Variants in ADCY3 observed in about 807,000 individuals in gnomAD.
ADCY3 encodes the protein adenylate cyclase 3, also known as adenylate cyclase type 3.
ADCY3 carries 70 observed loss-of-function variants against 119.4 expected under a neutral mutation model. The observed-to-expected ratio is 0.59, with a 90% CI of 0.48 to 0.72. The LOEUF (loss-of-function observed/expected upper bound fraction) is 0.72. Ranked by LOEUF, ADCY3 falls within the 30% of genes least tolerant of loss-of-function variation. ADCY3 has a pLI of 0.00. For synonymous variants in ADCY3, 672 were observed against 621.4 expected (o/e 1.08, Z -1.21); for missense variants, 1,238 against 1,541.6 (o/e 0.80, Z 3.30).
chr2:24,898,316 G>A lies in ADCY3; in HGVS notation c.675+19997C>T, dbSNP rs1040465215. On this transcript the variant is annotated intron_variant, in intron 2 of 21. Coordinates refer to ENST00000679454, the MANE Select transcript of ADCY3 (RefSeq NM_004036.5). The surrounding 1 kb of genome is among the most constrained non-coding windows in gnomAD (Gnocchi z 4.3). ...CGAGGACCGCCTTTCCATCACCGTG[G>A]GGTGAGCCCCACCCTCGCACCGAGA... Among the ~76,000 whole-genome samples the A allele has an allele frequency of 1.3e-5, 2 of 152,044 alleles. No individual in the cohort carries two copies. Among genetic ancestry groups the A allele is most frequent in the Admixed American group, 6.6e-5 (1 of 15,256 alleles).
At chr2:24,837,086 T>C (rs757723489) in intron 8 of ADCY3, 41 bp from the exon 9 acceptor site, 7 of 1,608,468 alleles carry the variant, frequency 4.4e-6, no homozygotes, top group Non-Finnish European at 5.9e-6. Flanking sequence ...GGGCATGGGA[T>C]GAGAGTGGCG....
At chr2:24,829,572 C>T (rs1448378818) in intron 13 of ADCY3, among the ~76,000 whole-genome samples, 10 of 151,400 alleles carry the variant, frequency 6.6e-5, no homozygotes, top group Admixed American at 3.3e-4. Context: ...AGGCGCCTGC[C>T]ACCACGCCCG....
At chr2:24,916,753 T>G (rs1480388133) in intron 2 of ADCY3, among the ~76,000 whole-genome samples, 3 of 151,682 alleles carry the variant, frequency 2.0e-5, no homozygotes, top group African/African-American at 7.3e-5. Flanking sequence ...ACCTAGTCAA[T>G]GACCAGAAAC....
At chr2:24,846,168 C>A (rs142299745) in intron 3 of ADCY3, among the ~76,000 whole-genome samples, 1,857 of 152,352 alleles carry the variant, frequency 0.012, 39 homozygotes, top group African/African-American at 0.042. Context: ...AGAGTCCCTA[C>A]TGGGCCACTG....
At chr2:24,911,532 C>A (rs958236315) in intron 2 of ADCY3, among the ~76,000 whole-genome samples, 1 of 151,290 alleles carries the variant, frequency 6.6e-6, no homozygotes, top group East Asian at 2.0e-4. Flanking sequence ...TGCCTGAAAT[C>A]CCAGCTACTT....
At chr2:24,875,445 C>A (rs1675566386) in intron 2 of ADCY3, among the ~76,000 whole-genome samples, 1 of 152,270 alleles carries the variant, frequency 6.6e-6, no homozygotes, top group African/African-American at 2.4e-5. Flanking sequence ...ACAAATCCCA[C>A]TGGGTGATGC....
chr2:24,847,682 G>A (rs1050463425), intron 3 of ADCY3, among the ~76,000 whole-genome samples: 8 of 152,224 alleles, frequency 5.3e-5, no homozygotes, highest in African/African-American at 7.2e-5. Flanking sequence ...GACAGGACCC[G>A]TCTCGGAACC....
chr2:24,900,016 AATATTTTTTCATACTAC>A (rs1263476926), intron 2 of ADCY3, among the ~76,000 whole-genome samples: 1 of 152,084 alleles, frequency 6.6e-6, no homozygotes, highest in Non-Finnish European at 1.5e-5. Context: ...TATTATGGGT[AATATTTTTTCATACTAC>A]ATAGTATTTT....
chr2:24,838,814 G>A (rs752571370), intron 7 of ADCY3, 192 bp from the exon 8 acceptor site: 32 of 1,606,540 alleles, frequency 2.0e-5, no homozygotes, highest in African/African-American at 2.7e-5. Flanking sequence ...TGTGTGGGCC[G>A]CTAACTAGCT....
rs149824724 is a variant in ADCY3 at position 24,820,078 on chromosome 2, C to T, written c.3289G>A (p.Gly1097Ser). The T allele has an allele frequency of 4.1e-5, 65 of 1,574,908 alleles. No individual in the cohort carries two copies. Among genetic ancestry groups the T allele is most frequent in the Admixed American group, 1.7e-4 (9 of 54,186 alleles). The change falls in exon 22 of 22, where the codon GGC becomes AGC. Residue 1097 changes from glycine (G) to serine (S), a missense_variant. Gly to Ser is a moderately conservative substitution (Grantham distance 56, BLOSUM62 0). Transcript: ENST00000679454. The part of the protein sequence containing the change: ...EETQVILREY[G>S]FRFVRRGPIF... Reference sequence around the variant, plus strand: ...GGGCCTCGCCTCACAAAGCGGAAGCCGTACTCTCGGAGGATGACTTGGGTT... The same window carrying T: ...GGGCCTCGCCTCACAAAGCGGAAGCTGTACTCTCGGAGGATGACTTGGGTT...
chr2:24,907,673 A>C (rs10198275), intron 2 of ADCY3, among the ~76,000 whole-genome samples: 79,286 of 152,020 alleles, frequency 0.52, 22,856 homozygotes, highest in African/African-American at 0.78. Flanking sequence ...ATAAAATGCA[A>C]GTGACACATA....
intron 2 of ADCY3, among the ~76,000 whole-genome samples, chr2:24,875,591 G>C (rs1417040834): frequency 6.6e-5 from 10 of 152,230 alleles, no homozygotes; most frequent in Admixed American, 6.5e-4. Flanking sequence ...CAGCACCCTG[G>C]GGTGCTCACG....
At chr2:24,821,128 T>A in intron 20 of ADCY3, 2 of 455,574 alleles carry the variant, frequency 4.4e-6, no homozygotes, top group Non-Finnish European at 7.8e-6. Context: ...TCCTGGGACC[T>A]CACTCAGGAA....
chr2:24,871,791 C>T (rs1193080055), intron 3 of ADCY3, among the ~76,000 whole-genome samples: 1 of 152,180 alleles, frequency 6.6e-6, no homozygotes, highest in Non-Finnish European at 1.5e-5. Context: ...TTTCTGGAGA[C>T]CTTCAAAAAG....
chr2:24,883,541 G>T (rs925573171), intron 2 of ADCY3, among the ~76,000 whole-genome samples: 1 of 152,152 alleles, frequency 6.6e-6, no homozygotes, highest in Non-Finnish European at 1.5e-5. Context: ...GGACGATAAA[G>T]AAAATTGAAA....
chr2:24,880,758 G>C (rs1416092210), intron 2 of ADCY3, among the ~76,000 whole-genome samples: 1 of 152,174 alleles, frequency 6.6e-6, no homozygotes, highest in Non-Finnish European at 1.5e-5. Flanking sequence ...GCTCACGCCT[G>C]TAATCTCAGC....
At chr2:24,821,305 T>C in intron 20 of ADCY3, 1 of 626,560 alleles carries the variant, frequency 1.6e-6, no homozygotes, top group Non-Finnish European at 2.7e-6. Context: ...AGGCACAGTA[T>C]AGTCGGATCA....
At chr2:24,865,976 G>A (rs1464476220) in intron 3 of ADCY3, among the ~76,000 whole-genome samples, 1 of 152,156 alleles carries the variant, frequency 6.6e-6, no homozygotes, top group Non-Finnish European at 1.5e-5. Flanking sequence ...GGATTCCAAG[G>A]CAGAGAGAGT....
intron 17 of ADCY3, 136 bp from the exon 18 acceptor site, chr2:24,823,491 C>CTT (rs1668101542): frequency 1.2e-5 from 9 of 780,886 alleles, no homozygotes; most frequent in Admixed American, 6.0e-5. Flanking sequence ...ATTATTCCAG[C>CTT]ATTTTTTTTT....
Sources: gnomAD v4.1 joint callset for allele counts (sites outside exome capture counted in the v4.1 genomes callset) on GRCh38, gnomAD v4.1.1 for gene constraint, Gnocchi (gnomAD v3.1) non-coding constraint, MANE v1.5 for transcripts, NCBI Gene and HGNC (gene_info 2026-07-23, HGNC 2026-07-21) for gene names.